RUFY1: variants seen among roughly 807,000 people sequenced by gnomAD.
RUFY1 encodes RUN and FYVE domain-containing protein 1.
In RUFY1, 54 loss-of-function variants were observed where a neutral mutation model predicts 94.6. That is an observed-to-expected ratio of 0.57 (90% CI 0.46 to 0.72). The LOEUF (loss-of-function observed/expected upper bound fraction) is 0.72. Ranked by LOEUF, RUFY1 falls within the 30% of genes least tolerant of loss-of-function variation. RUFY1 has a pLI of 0.00. For synonymous variants in RUFY1, 396 were observed against 347.3 expected (o/e 1.14, Z -1.56); for missense variants, 883 against 883.9 (o/e 1.00, Z 0.01).
chr5:179,581,708 TCTCA>T (rs2127541885), intron 7 of RUFY1, among the ~76,000 whole-genome samples: 1 of 148,384 alleles, frequency 6.7e-6, no homozygotes, highest in South Asian at 2.1e-4. Flanking sequence ...TTTGACAGGG[TCTCA>T]CTCTGTTGCC....
chr5:179,572,226 C>T (rs1763277735), intron 5 of RUFY1: 1 of 295,428 alleles, frequency 3.4e-6, no homozygotes, highest in South Asian at 3.0e-5. Flanking sequence ...GTGGATGGCG[C>T]CTTCCAGGAG....
At chr5:179,600,123 AT>A (rs1766190497) in intron 14 of RUFY1, 1 of 152,202 alleles carries the variant, frequency 6.6e-6, no homozygotes, top group African/African-American at 2.4e-5. Flanking sequence ...GAATTACACA[AT>A]TACAGCCCGC....
At chr5:179,576,632 G>C (rs1763632873) in intron 5 of RUFY1, among the ~76,000 whole-genome samples, 1 of 151,930 alleles carries the variant, frequency 6.6e-6, no homozygotes, top group South Asian at 2.1e-4. Flanking sequence ...TGCTGGCCAG[G>C]CTGGTTTCGA....
At chr5:179,579,642 T>C (rs1275921187) in intron 6 of RUFY1, among the ~76,000 whole-genome samples, 1 of 143,152 alleles carries the variant, frequency 7.0e-6, no homozygotes, top group East Asian at 2.0e-4. Context: ...TAACAAAATA[T>C]ACCCTTTTCT....
At chr5:179,588,543 T>G (rs1441570588) in intron 8 of RUFY1, among the ~76,000 whole-genome samples, 1 of 152,220 alleles carries the variant, frequency 6.6e-6, no homozygotes, top group African/African-American at 2.4e-5. Flanking sequence ...GGGCATATCT[T>G]CAATGATTTG....
At chr5:179,562,880 A>G (rs140205503) in intron 3 of RUFY1, 2 of 459,434 alleles carry the variant, frequency 4.4e-6, no homozygotes, top group Non-Finnish European at 3.9e-6. Context: ...CAGGCCAAAT[A>G]GGTTGAAAAG....
intron 1 of RUFY1, among the ~76,000 whole-genome samples, chr5:179,555,023 A>G (rs183608092): frequency 1.3e-5 from 2 of 151,900 alleles, no homozygotes; most frequent in East Asian, 3.9e-4. Flanking sequence ...CCCCAGTACT[A>G]TTGTATCTTT....
At chr5:179,559,602 A>G (rs1036092867) in intron 1 of RUFY1, 111 of 935,172 alleles carry the variant, frequency 1.2e-4, no homozygotes, top group Non-Finnish European at 1.3e-4. Context: ...GACTCGCCCA[A>G]TAGGAATGTT....
chr5:179,564,628 G>C (rs563362630), intron 3 of RUFY1, among the ~76,000 whole-genome samples: 1 of 149,374 alleles, frequency 6.7e-6, no homozygotes, highest in Admixed American at 6.7e-5. Context: ...CAGAGATCAC[G>C]CCACCACTCC....
intron 1 of RUFY1, among the ~76,000 whole-genome samples, chr5:179,553,856 C>G (rs569097834): frequency 6.6e-6 from 1 of 152,290 alleles, no homozygotes; most frequent in Admixed American, 6.5e-5. Context: ...AAAATGGTGA[C>G]CATGGCTTAC....
At chr5:179,583,970 G>A (rs775856809) in intron 7 of RUFY1, among the ~76,000 whole-genome samples, 8 of 151,464 alleles carry the variant, frequency 5.3e-5, no homozygotes, top group Middle Eastern at 3.2e-3. Flanking sequence ...GGATGGTCTC[G>A]ATCTCCTGAC....
At chr5:179,606,658 G>C (rs1767118138) in intron 16 of RUFY1, 1 of 152,572 alleles carries the variant, frequency 6.6e-6, no homozygotes, top group African/African-American at 2.4e-5. Context: ...TGCCAGGTCA[G>C]GGGCAGCAAC....
At chr5:179,555,804 T>C (rs1383661582) in intron 1 of RUFY1, 2 of 29,180 alleles carry the variant, frequency 6.9e-5, no homozygotes, top group South Asian at 1.2e-3. Context: ...ATTTTTTGGA[T>C]TTTTTTTTTT....
rs145297272 is a variant in RUFY1 at position 179,563,091 on chromosome 5, G to A, written c.602+427G>A. Among the ~76,000 whole-genome samples the A allele has an allele frequency of 3.8e-3, 577 of 152,242 alleles. 5 individuals are homozygous for A. Among genetic ancestry groups the A allele is most frequent in the African/African-American group, 0.014 (562 of 41,540 alleles). On this transcript the variant is annotated intron_variant, in intron 3 of 17. Coordinates refer to ENST00000319449, the MANE Select transcript of RUFY1 (RefSeq NM_025158.5). Reference sequence around the variant, plus strand: ...CATGTCTGGATTTGTCCTTGGGATCGCTATGCTTAGGCTCAAAATCAAAAA... The same window carrying A: ...CATGTCTGGATTTGTCCTTGGGATCACTATGCTTAGGCTCAAAATCAAAAA...
chr5:179,609,482 C>A lies in RUFY1; in HGVS notation c.2090C>A (p.Thr697Asn), dbSNP rs763344998. The change falls in exon 18 of 18, where the codon ACC (threonine) becomes AAC (asparagine). Residue 697 changes from threonine to asparagine, a missense_variant. Transcript: ENST00000319449. ...KPVRVCDSCH[T>N]LLLQRCSSTA... ...GTGCGAGTGTGCGACAGCTGCCACACCCTGCTCCTGCAGCGCTGCTCCTCC... is the reference window on the plus strand; with the variant it reads ...GTGCGAGTGTGCGACAGCTGCCACAACCTGCTCCTGCAGCGCTGCTCCTCC... 13 of 1,610,822 alleles carry A rather than the reference C, an allele frequency of 8.1e-6. No individual in the cohort carries two copies. In the Admixed American group the frequency reaches 1.8e-4, roughly 23 times the overall value.
chr5:179,605,278 CAAAAA>C (rs35410796), intron 15 of RUFY1, among the ~76,000 whole-genome samples: 12 of 130,670 alleles, frequency 9.2e-5, no homozygotes, highest in African/African-American at 2.5e-4. Flanking sequence ...GATCCTGTCT[CAAAAA>C]AAAAAAAAAA....
intron 5 of RUFY1, chr5:179,572,282 A>G (rs1369665073): frequency 9.5e-6 from 2 of 211,030 alleles, no homozygotes; most frequent in Non-Finnish European, 2.1e-5. Flanking sequence ...CTCTTTTTCT[A>G]CCCTCTGGAC....
intron 10 of RUFY1, among the ~76,000 whole-genome samples, chr5:179,592,847 A>G (rs921416896): frequency 6.6e-6 from 1 of 152,230 alleles, no homozygotes; most frequent in Non-Finnish European, 1.5e-5. Context: ...GATCTCTTCC[A>G]GCACTCAAAC....
intron 3 of RUFY1, 97 bp from the exon 4 acceptor site, chr5:179,567,364 G>C: frequency 1.2e-6 from 1 of 849,978 alleles, no homozygotes; most frequent in Non-Finnish European, 2.0e-6. Flanking sequence ...GCATTTACAA[G>C]GGTGTGTTTC....
Sources: allele counts gnomAD v4.1 joint callset (sites outside exome capture counted in the v4.1 genomes callset), GRCh38; gene constraint gnomAD v4.1.1; transcripts MANE v1.5; gene names NCBI Gene and HGNC (gene_info 2026-07-23, HGNC 2026-07-21).